Variants in PDE4B observed in about 807,000 individuals in gnomAD.
The protein encoded by PDE4B is 3',5'-cyclic-AMP phosphodiesterase 4B.
In PDE4B, 20 loss-of-function variants were observed where a neutral mutation model predicts 82.2. That is an observed-to-expected ratio of 0.24 (90% CI 0.17 to 0.35). The LOEUF is 0.35. PDE4B is among the 10% of genes least tolerant of loss of function. The pLI, the probability that PDE4B is intolerant of heterozygous loss-of-function variation, is 1.00. For synonymous variants in PDE4B, 320 were observed against 318.9 expected (o/e 1.00, Z -0.04); for missense variants, 655 against 907.2 (o/e 0.72, Z 3.57).
At position 65,913,294 on chromosome 1, in the gene PDE4B, G is replaced by A. The variant is rs1647117896; in HGVS notation, c.-21G>A. 1 of 1,609,978 alleles carries A rather than the reference G, an allele frequency of 6.2e-7. No homozygotes were observed. The highest frequency in any genetic ancestry group is 1.3e-5 in the African/African-American group (1 of 74,784). On this transcript the variant is annotated 5_prime_UTR_variant, in exon 2 of 17. Transcript: ENST00000341517. The stretch of plus-strand genomic sequence containing the variant: ...CATTGAATAACAGACATCCTAAGAG[G>A]GGATATTTTCCACCTCTATAATGAA...
At chr1:66,275,850 G>T (rs1655843236) in intron 7 of PDE4B, among the ~76,000 whole-genome samples, 1 of 152,082 alleles carries the variant, frequency 6.6e-6, no homozygotes, top group African/African-American at 2.4e-5. Flanking sequence ...TCTTTTTCTT[G>T]GTTTATTGTC....
At chr1:66,226,715 A>G (rs761988964) in intron 3 of PDE4B, among the ~76,000 whole-genome samples, 9 of 152,246 alleles carry the variant, frequency 5.9e-5, no homozygotes, top group Non-Finnish European at 8.8e-5. Flanking sequence ...GGAAATTCTT[A>G]TAGGCTATCG....
At chr1:66,168,621 G>C (rs1402985193) in intron 3 of PDE4B, among the ~76,000 whole-genome samples, 1 of 152,184 alleles carries the variant, frequency 6.6e-6, no homozygotes, top group Non-Finnish European at 1.5e-5. Flanking sequence ...TACCGTCTTG[G>C]AGACCGTTGT....
chr1:66,316,068 T>G (rs1191324605), intron 7 of PDE4B, among the ~76,000 whole-genome samples: 1 of 152,166 alleles, frequency 6.6e-6, no homozygotes, highest in East Asian at 1.9e-4. Context: ...CTACAACTAT[T>G]TGAAATCCAG....
chr1:66,205,303 G>A (rs972390407), intron 3 of PDE4B, among the ~76,000 whole-genome samples: 3 of 152,132 alleles, frequency 2.0e-5, no homozygotes, highest in South Asian at 2.1e-4. Context: ...CAAAGAAAGA[G>A]GCTGAGCAAA....
At chr1:66,331,649 A>G in intron 7 of PDE4B, 2 of 626,226 alleles carry the variant, frequency 3.2e-6, no homozygotes, top group South Asian at 1.4e-4. Context: ...GCTTTAATCA[A>G]AATAAAAATC....
chr1:66,289,618 G>A (rs76927208), intron 7 of PDE4B, among the ~76,000 whole-genome samples: 2,423 of 152,008 alleles, frequency 0.016, 32 homozygotes, highest in African/African-American at 0.042. Flanking sequence ...GCCAGGTCTC[G>A]CAGGATCTTG....
intron 3 of PDE4B, among the ~76,000 whole-genome samples, chr1:66,035,576 C>T (rs1261986017): frequency 6.6e-6 from 1 of 152,228 alleles, no homozygotes; most frequent in South Asian, 2.1e-4. Context: ...TGAGATTATA[C>T]AGTGTTTGTC....
intron 7 of PDE4B, among the ~76,000 whole-genome samples, chr1:66,327,548 A>G (rs951432356): frequency 1.3e-5 from 2 of 152,244 alleles, no homozygotes; most frequent in African/African-American, 2.4e-5. Context: ...TATATTTAAT[A>G]CTAAAAGGTT....
At chr1:66,082,641 A>ATAT (rs1656800709) in intron 3 of PDE4B, among the ~76,000 whole-genome samples, 2 of 147,836 alleles carry the variant, frequency 1.4e-5, no homozygotes, top group African/African-American at 5.0e-5. Context: ...GGATTGAAAT[A>ATAT]ATATATATAT....
chr1:65,976,350 G>C (rs1650408491), intron 3 of PDE4B, among the ~76,000 whole-genome samples: 1 of 152,146 alleles, frequency 6.6e-6, no homozygotes, highest in South Asian at 2.1e-4. Context: ...CATAATTCCT[G>C]TACCCTCATT....
intron 3 of PDE4B, among the ~76,000 whole-genome samples, chr1:65,932,437 G>C (rs1647889237): frequency 6.6e-6 from 1 of 152,074 alleles, no homozygotes; most frequent in African/African-American, 2.4e-5. Context: ...GCAGGTTGGA[G>C]AGGCCCCGAG....
intron 1 of PDE4B, among the ~76,000 whole-genome samples, chr1:65,866,618 A>G (rs1646513138): frequency 6.6e-6 from 1 of 152,230 alleles, no homozygotes; most frequent in African/African-American, 2.4e-5. Context: ...GGTCACGTAA[A>G]GCTACCAACA....
intron 3 of PDE4B, among the ~76,000 whole-genome samples, chr1:66,097,125 G>A (rs1217341361): frequency 2.6e-5 from 4 of 151,994 alleles, no homozygotes; most frequent in Non-Finnish European, 5.9e-5. Context: ...ATCAGAAGGG[G>A]ATTACTGGAT....
At chr1:66,233,694 ATGTG>A (rs140691370) in intron 3 of PDE4B, among the ~76,000 whole-genome samples, 20 of 150,934 alleles carry the variant, frequency 1.3e-4, no homozygotes, top group African/African-American at 4.6e-4. Context: ...ATGTAAATAT[ATGTG>A]TGTGTGTGTG....
At chr1:66,066,040 T>C (rs1655828379) in intron 3 of PDE4B, among the ~76,000 whole-genome samples, 1 of 151,810 alleles carries the variant, frequency 6.6e-6, no homozygotes, top group African/African-American at 2.4e-5. Flanking sequence ...ATTAAATGGC[T>C]CATTCAGTCT....
At chr1:66,242,867 G>A (rs1326507343) in intron 3 of PDE4B, among the ~76,000 whole-genome samples, 1 of 152,194 alleles carries the variant, frequency 6.6e-6, no homozygotes, top group Non-Finnish European at 1.5e-5. Context: ...GCAGTCTGCT[G>A]CCATCTGCTG....
intron 7 of PDE4B, among the ~76,000 whole-genome samples, chr1:66,279,238 A>G (rs1000935741): frequency 6.6e-6 from 1 of 152,156 alleles, no homozygotes; most frequent in African/African-American, 2.4e-5. Context: ...TGTCATGGGC[A>G]TAAGTTCTTC....
chr1:66,013,967 ATT>A (rs927609608), intron 3 of PDE4B, among the ~76,000 whole-genome samples: 1 of 151,898 alleles, frequency 6.6e-6, no homozygotes, highest in Non-Finnish European at 1.5e-5. Context: ...ATTTTCTGTT[ATT>A]TTTTTCTGAT....
Sources: gnomAD v4.1 joint callset for allele counts (sites outside exome capture counted in the v4.1 genomes callset) on GRCh38, gnomAD v4.1.1 for gene constraint, MANE v1.5 for transcripts, NCBI Gene and HGNC (gene_info 2026-07-23, HGNC 2026-07-21) for gene names.